Variants in AOAH observed in about 807,000 individuals in gnomAD.
AOAH encodes the protein acyloxyacyl hydrolase (neutrophil).
Under a neutral mutation model 92.2 loss-of-function variants are expected in AOAH, and 64 were observed. The ratio of observed to expected loss-of-function variants is 0.69; its 90% CI spans 0.57 to 0.86. AOAH has a LOEUF of 0.86. Among genes scored for constraint, AOAH ranks in the 40% least tolerant of loss-of-function variants. AOAH has a pLI of 0.00. For missense variants in AOAH, 656 were observed against 694.6 expected (o/e 0.94, Z 0.62); for synonymous variants, 263 against 254.5 (o/e 1.03, Z -0.32).
chr7:36,722,830 A>G (rs1158734209), intron 1 of AOAH, among the ~76,000 whole-genome samples: 1 of 146,720 alleles, frequency 6.8e-6, no homozygotes, highest in Non-Finnish European at 1.5e-5. Context: ...GCTACTCCGA[A>G]GGCTGAGGCA....
intron 1 of AOAH, among the ~76,000 whole-genome samples, chr7:36,701,873 G>C (rs1032925732): frequency 6.6e-6 from 1 of 151,858 alleles, no homozygotes; most frequent in Non-Finnish European, 1.5e-5. Flanking sequence ...TGTTTTGTGG[G>C]AAACAAGTAT....
intron 19 of AOAH, among the ~76,000 whole-genome samples, chr7:36,524,515 AAC>A (rs1446046916): frequency 5.7e-4 from 86 of 150,784 alleles, no homozygotes; most frequent in African/African-American, 2.1e-3. Flanking sequence ...AAAAAAAAAA[AAC>A]AAAAAAAAAT....
intron 6 of AOAH, among the ~76,000 whole-genome samples, chr7:36,624,903 T>A (rs556868967): frequency 1.3e-5 from 2 of 152,354 alleles, no homozygotes; most frequent in African/African-American, 2.4e-5. Context: ...GCAGTCCTCA[T>A]AACCGGGGGG....
chr7:36,685,866 A>G (rs969835757), intron 2 of AOAH, among the ~76,000 whole-genome samples: 4 of 152,158 alleles, frequency 2.6e-5, no homozygotes, highest in African/African-American at 9.6e-5. Context: ...TAGCCTGTGA[A>G]TGCATATTAT....
Position 36,658,149 on chromosome 7 carries a change from A to G in AOAH, c.390+1017T>C, listed in dbSNP as rs562861166. 1.6e-3 allele frequency among the ~76,000 whole-genome samples: 240 copies of G among 152,266 alleles called. 2 individuals carry two copies. The highest frequency in any genetic ancestry group is 7.4e-4 in the Non-Finnish European group (50 of 68,016). On this transcript the variant is annotated intron_variant, in intron 4 of 20. Transcript: ENST00000617537. Reference sequence around the variant, plus strand: ...GGGGAAATTTAATTCGCACTTAGTCAGTGACAGAGGAAGCTTGAAATATAC... The same window carrying G: ...GGGGAAATTTAATTCGCACTTAGTCGGTGACAGAGGAAGCTTGAAATATAC...
intron 20 of AOAH, among the ~76,000 whole-genome samples, chr7:36,517,118 C>A (rs1052948616): frequency 1.3e-5 from 2 of 152,266 alleles, no homozygotes; most frequent in African/African-American, 4.8e-5. Context: ...CTGCACAGGG[C>A]AGGGCACAGC....
At chr7:36,600,206 T>TCCCTCCTC (rs1790450324) in intron 11 of AOAH, 1 of 152,262 alleles carries the variant, frequency 6.6e-6, no homozygotes, top group African/African-American at 2.4e-5. Context: ...TGAGGCAGCC[T>TCCCTCCTC]TCCTCCCTCC....
In AOAH at chr7:36,525,073, A is replaced by T. The variant is rs1160921395; in HGVS notation, c.1523-2958T>A. ...ACATGAGGCAGAGTCCTCTTGTAATAAATAGATGCACAGCAAACCATGGAC... is the reference window on the plus strand; with the variant it reads ...ACATGAGGCAGAGTCCTCTTGTAATTAATAGATGCACAGCAAACCATGGAC... On this transcript the variant is annotated intron_variant, in intron 19 of 20. Coordinates refer to ENST00000617537, the MANE Select transcript of AOAH (RefSeq NM_001637.4). Among the ~76,000 whole-genome samples, 5 of 152,240 alleles carry T rather than the reference A, an allele frequency of 3.3e-5. No homozygotes were observed. The East Asian group carries it at 9.6e-4, about 29-fold the overall frequency.
intron 1 of AOAH, among the ~76,000 whole-genome samples, chr7:36,704,338 C>G (rs1798251938): frequency 6.6e-6 from 1 of 152,030 alleles, no homozygotes; most frequent in Admixed American, 6.6e-5. Flanking sequence ...TCTTGCTGTG[C>G]AGAAGCTCTT....
chr7:36,553,333 T>C (rs2116369041), intron 13 of AOAH, among the ~76,000 whole-genome samples: 1 of 152,280 alleles, frequency 6.6e-6, no homozygotes, highest in South Asian at 2.1e-4. Flanking sequence ...TTTTTAGGGC[T>C]GCATAGTATT....
intron 1 of AOAH, among the ~76,000 whole-genome samples, chr7:36,718,146 T>C (rs891069107): frequency 5.3e-5 from 8 of 152,086 alleles, no homozygotes; most frequent in African/African-American, 1.9e-4. Context: ...AGGGGCAAAA[T>C]ATTTGAATAG....
Position 36,517,172 on chromosome 7 carries a change from T to TTCTCTCTC in AOAH, c.1600-3793_1600-3792insGAGAGAGA, listed in dbSNP as rs756572469. ...TCCATGTTAGTCTTTCTTTCTTTCT[T>TTCTCTCTC]TCTTTCTTTCTTTCTTTCTTTCTTT... is the stretch of plus-strand genomic sequence containing the variant. On this transcript the variant is annotated intron_variant, in intron 20 of 20. Coordinates refer to ENST00000617537, the MANE Select transcript of AOAH (RefSeq NM_001637.4). Among the ~76,000 whole-genome samples the TTCTCTCTC allele has an allele frequency of 3.3e-3, 384 of 117,118 alleles. 4 individuals carry two copies. The highest frequency in any genetic ancestry group is 0.012 in the African/African-American group (331 of 26,948). 76.8% of individuals were successfully genotyped at this position (117,118 alleles called of 152,430 possible). A position where few individuals can be genotyped will look rare whatever the true frequency, so the allele number is the denominator to read the frequency against.
In AOAH at chr7:36,614,958, G is replaced by A. The variant is rs1398150942; in HGVS notation, c.846+1422C>T. The stretch of plus-strand genomic sequence containing the variant: ...GGAGGAGGAACCCAGCAGCTCTCAG[G>A]CCTGAGTGTTTCAGGTTGGGAGCCT... On this transcript the variant is annotated intron_variant, in intron 11 of 20. Transcript: ENST00000617537. The surrounding 1 kb of genome is among the most constrained non-coding windows in gnomAD (Gnocchi z 4.2). Among the ~76,000 whole-genome samples, 1 of 152,200 alleles carries A rather than the reference G, an allele frequency of 6.6e-6. No homozygotes were observed. The highest frequency in any genetic ancestry group is 2.4e-5 in the African/African-American group (1 of 41,458).
chr7:36,552,743 T>C (rs1441528967), intron 13 of AOAH, among the ~76,000 whole-genome samples: 1 of 152,172 alleles, frequency 6.6e-6, no homozygotes, highest in Non-Finnish European at 1.5e-5. Flanking sequence ...CCACCTCTAG[T>C]AGTCTTGTGC....
intron 15 of AOAH, among the ~76,000 whole-genome samples, chr7:36,546,588 G>C (rs1259839840): frequency 2.0e-5 from 3 of 152,218 alleles, no homozygotes; most frequent in Non-Finnish European, 4.4e-5. Flanking sequence ...AGGAAAAGTA[G>C]GACTGGGCTG....
intron 13 of AOAH, among the ~76,000 whole-genome samples, chr7:36,562,926 A>G (rs1295842408): frequency 6.6e-6 from 1 of 151,956 alleles, no homozygotes; most frequent in African/African-American, 2.4e-5. Flanking sequence ...AGGCAGGCAG[A>G]TCATGAAGTC....
chr7:36,576,371 A>G (rs1178275416), intron 13 of AOAH, among the ~76,000 whole-genome samples: 1 of 152,188 alleles, frequency 6.6e-6, no homozygotes, highest in Non-Finnish European at 1.5e-5. Context: ...CCTTGACTGC[A>G]GCTTGTTTTT....
Position 36,532,374 on chromosome 7 carries a change from A to G in AOAH, c.1307-30T>C, listed in dbSNP as rs750243378. On this transcript the variant is annotated intron_variant, in intron 16 of 20. Transcript: ENST00000617537. ...AAAACAGAGAGGTCTGGTAGATTGC[A>G]TCCACTCGGCAATAGCAGCATTTAG... 2.5e-6 allele frequency: 4 copies of G among 1,610,192 alleles called. No individual in the cohort carries two copies. In the Admixed American group the frequency reaches 6.7e-5, roughly 27 times the overall value.
intron 4 of AOAH, among the ~76,000 whole-genome samples, chr7:36,644,077 A>T (rs1794083917): frequency 6.6e-6 from 1 of 152,270 alleles, no homozygotes; most frequent in South Asian, 2.1e-4. Flanking sequence ...GGAATGAGAC[A>T]TCAAGGCTGT....
Sources: gnomAD v4.1 joint callset for allele counts (sites outside exome capture counted in the v4.1 genomes callset) on GRCh38, gnomAD v4.1.1 for gene constraint, Gnocchi (gnomAD v3.1) non-coding constraint, MANE v1.5 for transcripts, NCBI Gene and HGNC (gene_info 2026-07-23, HGNC 2026-07-21) for gene names.